The following CCDC91 variants were observed in gnomAD, a reference collection of about 807,000 sequenced individuals.
CCDC91 encodes coiled-coil domain containing 91, also known as coiled-coil domain-containing protein 91.
In CCDC91, 48 loss-of-function variants were observed where a neutral mutation model predicts 63.2. The observed-to-expected ratio is 0.76, with a 90% CI of 0.60 to 0.97. The LOEUF is 0.97. Ranked by LOEUF, CCDC91 falls within the 50% of genes least tolerant of loss-of-function variation. The pLI is 0.00. For missense variants in CCDC91, 500 were observed against 494.6 expected (o/e 1.01, Z -0.10); for synonymous variants, 167 against 165.8 (o/e 1.01, Z -0.06).
intron 1 of CCDC91, among the ~76,000 whole-genome samples, chr12:28,242,058 T>C (rs1400724416): frequency 6.6e-6 from 1 of 151,278 alleles, no homozygotes; most frequent in Non-Finnish European, 1.5e-5. Flanking sequence ...CACCTTGTTA[T>C]CATATAAAGT....
At chr12:28,422,614 G>T (rs1354180733) in intron 8 of CCDC91, among the ~76,000 whole-genome samples, 1 of 152,042 alleles carries the variant, frequency 6.6e-6, no homozygotes, top group Non-Finnish European at 1.5e-5. Flanking sequence ...TATGTTAGCA[G>T]ATTGTGGCTA....
At chr12:28,544,605 T>A (rs964066995) in intron 12 of CCDC91, among the ~76,000 whole-genome samples, 1 of 151,958 alleles carries the variant, frequency 6.6e-6, no homozygotes, top group African/African-American at 2.4e-5. Context: ...CTATGTGTAT[T>A]TGACACACAC....
At chr12:28,375,429 T>G (rs1220686289) in intron 7 of CCDC91, among the ~76,000 whole-genome samples, 20 of 151,924 alleles carry the variant, frequency 1.3e-4, no homozygotes. Context: ...AATAAAAGAT[T>G]GTGGCCCATC....
rs114893450 is a variant in CCDC91 at position 28,367,724 on chromosome 12, A to G, written c.654+5209A>G. 2.2e-3 allele frequency among the ~76,000 whole-genome samples: 331 copies of G among 152,304 alleles called. 3 individuals carry two copies. The highest frequency in any genetic ancestry group is 7.5e-3 in the African/African-American group (313 of 41,562). On this transcript the variant is annotated intron_variant, in intron 7 of 12. Transcript: ENST00000536442. ...AATGGTTAATTTATGCATCAGCTTG[A>G]CTGGGCAATGGTTTCTAGATATTTG... is the stretch of plus-strand genomic sequence containing the variant.
At chr12:28,244,487 A>G (rs1477970750) in intron 1 of CCDC91, among the ~76,000 whole-genome samples, 1 of 136,320 alleles carries the variant, frequency 7.3e-6, no homozygotes, top group Non-Finnish European at 1.5e-5. Flanking sequence ...GACAATGTAG[A>G]AGAAGGCTTT....
At position 28,531,705 on chromosome 12, in the gene CCDC91, G is replaced by A. The variant is rs1183563404; in HGVS notation, c.1216-17358G>A. 3.3e-5 allele frequency among the ~76,000 whole-genome samples: 5 copies of A among 152,146 alleles called. No individual in the cohort carries two copies. The East Asian group carries it at 9.6e-4, about 29-fold the overall frequency. On this transcript the variant is annotated intron_variant, in intron 12 of 12. Coordinates refer to ENST00000536442, the MANE Select transcript of CCDC91 (RefSeq NM_018318.5). ...TTTTTGGAGCAATTGCTAAAATAAA[G>A]TAAGTAATTGTCTCTTCTATATTTT...
chr12:28,522,973 TGAG>T (rs1334896231), intron 12 of CCDC91, among the ~76,000 whole-genome samples: 1 of 152,208 alleles, frequency 6.6e-6, no homozygotes, highest in African/African-American at 2.4e-5. Context: ...TTACATTTGC[TGAG>T]GAGTGCTTTA....
In CCDC91 at chr12:28,549,196, T is replaced by C. The variant is rs375492758; in HGVS notation, c.*23T>C. ...TAAAAAGAACATGACAAACCCACAC[T>C]GGCATTGGATAAATCATATTACACC... is the stretch of plus-strand genomic sequence containing the variant. On this transcript the variant is annotated 3_prime_UTR_variant, in exon 13 of 13. Coordinates refer to ENST00000536442, the MANE Select transcript of CCDC91 (RefSeq NM_018318.5). 7.8e-5 allele frequency: 98 copies of C among 1,263,820 alleles called. No individual in the cohort carries two copies. Among genetic ancestry groups the C allele is most frequent in the Non-Finnish European group, 1.1e-4 (96 of 862,148 alleles). 78.3% of individuals were successfully genotyped at this position (1,263,820 alleles called of 1,614,324 possible). A position where few individuals can be genotyped will look rare whatever the true frequency, so the allele number is the denominator to read the frequency against.
chr12:28,206,330 C>G (rs923177859), intron 1 of CCDC91, among the ~76,000 whole-genome samples: 1 of 152,170 alleles, frequency 6.6e-6, no homozygotes, highest in African/African-American at 2.4e-5. Flanking sequence ...GGTTTCCAGT[C>G]TCAGCATGTC....
intron 1 of CCDC91, among the ~76,000 whole-genome samples, chr12:28,245,525 G>A (rs1271172822): frequency 6.6e-6 from 1 of 152,016 alleles, no homozygotes; most frequent in Non-Finnish European, 1.5e-5. Flanking sequence ...TTCATCAAAA[G>A]CTGCCTTAAA....
chr12:28,352,461 G>A (rs1241364818), intron 6 of CCDC91, among the ~76,000 whole-genome samples: 5 of 152,118 alleles, frequency 3.3e-5, no homozygotes, highest in Non-Finnish European at 5.9e-5. Flanking sequence ...AGTTTGTGTG[G>A]TAATATTCCA....
intron 1 of CCDC91, among the ~76,000 whole-genome samples, chr12:28,241,656 G>C (rs1238624798): frequency 6.6e-6 from 1 of 152,130 alleles, no homozygotes; most frequent in African/African-American, 2.4e-5. Flanking sequence ...ATCCGTGTGT[G>C]AGAGTTTCTC....
chr12:28,274,801 A>T (rs1047637030), intron 3 of CCDC91, among the ~76,000 whole-genome samples: 3 of 152,092 alleles, frequency 2.0e-5, no homozygotes, highest in Non-Finnish European at 4.4e-5. Context: ...GGACAATTTG[A>T]CTTCCCCTTT....
At chr12:28,491,979 G>GTT (rs1022863847) in intron 12 of CCDC91, among the ~76,000 whole-genome samples, 2 of 151,304 alleles carry the variant, frequency 1.3e-5, no homozygotes, top group Non-Finnish European at 3.0e-5. Context: ...GTGTGTGTGT[G>GTT]TGTCTGTTTG....
chr12:28,320,306 C>A (rs1221633915), intron 6 of CCDC91, among the ~76,000 whole-genome samples: 1 of 151,738 alleles, frequency 6.6e-6, no homozygotes, highest in Non-Finnish European at 1.5e-5. Flanking sequence ...GTAAATTACC[C>A]AAGGAACATT....
At chr12:28,322,477 C>T (rs1036974463) in intron 6 of CCDC91, among the ~76,000 whole-genome samples, 1 of 151,740 alleles carries the variant, frequency 6.6e-6, no homozygotes, top group Non-Finnish European at 1.5e-5. Flanking sequence ...TGGACTTTTT[C>T]CTCACTTGGT....
chr12:28,479,738 A>G (rs1951339239), intron 11 of CCDC91, among the ~76,000 whole-genome samples: 1 of 152,046 alleles, frequency 6.6e-6, no homozygotes, highest in Non-Finnish European at 1.5e-5. Context: ...GGATCATACT[A>G]TGTGAGTAAT....
chr12:28,444,114 T>C (rs949189310), intron 8 of CCDC91, among the ~76,000 whole-genome samples: 1 of 152,202 alleles, frequency 6.6e-6, no homozygotes, highest in African/African-American at 2.4e-5. Flanking sequence ...ATTCACTTAA[T>C]GTGCCCCTGA....
Position 28,518,203 on chromosome 12 carries a change from T to G in CCDC91, c.1216-30860T>G, listed in dbSNP as rs577193111. ...GTTGTACTTTTAGTTCTTTAAGGAA[T>G]CTCCACACTGTTTTCCATAGTGGTT... On this transcript the variant is annotated intron_variant, in intron 12 of 12. Transcript: ENST00000536442. Among the ~76,000 whole-genome samples, 3 of 152,140 alleles carry G rather than the reference T, an allele frequency of 2.0e-5. No individual in the cohort carries two copies. In the South Asian group the frequency reaches 6.2e-4, roughly 32 times the overall value.
Sources: allele counts gnomAD v4.1 joint callset (sites outside exome capture counted in the v4.1 genomes callset), GRCh38; gene constraint gnomAD v4.1.1; transcripts MANE v1.5; gene names NCBI Gene and HGNC (gene_info 2026-07-23, HGNC 2026-07-21).